The following KCNQ3 variants were observed in gnomAD, a reference collection of about 807,000 sequenced individuals.
The protein encoded by KCNQ3 is potassium voltage-gated channel subfamily KQT member 3.
Under a neutral mutation model 92.5 loss-of-function variants are expected in KCNQ3, and 30 were observed. That is an observed-to-expected ratio of 0.32 (90% confidence interval 0.24 to 0.44). The LOEUF (loss-of-function observed/expected upper bound fraction) is 0.44, where lower values mean the gene tolerates loss of function less well. Among genes scored for constraint, KCNQ3 ranks in the 20% least tolerant of loss-of-function variants. The pLI is 1.00. For missense variants in KCNQ3, 913 were observed against 1,140.3 expected (o/e 0.80, Z 2.87); for synonymous variants, 450 against 468.8 (o/e 0.96, Z 0.52).
chr8:132,222,642 G>A (rs1224554164), intron 1 of KCNQ3, among the ~76,000 whole-genome samples: 1 of 152,142 alleles, frequency 6.6e-6, no homozygotes, highest in Non-Finnish European at 1.5e-5. Context: ...ACACTAAAGA[G>A]GACATCAGGC....
intron 1 of KCNQ3, among the ~76,000 whole-genome samples, chr8:132,418,101 T>A (rs1371123765): frequency 6.6e-6 from 1 of 152,208 alleles, no homozygotes; most frequent in East Asian, 1.9e-4. Context: ...ATGCTGGCAC[T>A]GTGATTGGGA....
intron 1 of KCNQ3, among the ~76,000 whole-genome samples, chr8:132,344,150 C>T (rs565178773): frequency 6.6e-5 from 10 of 152,290 alleles, no homozygotes; most frequent in East Asian, 1.9e-4. Flanking sequence ...CCATAATACA[C>T]GGTGATCTCA....
chr8:132,192,350 C>T (rs1015335519), intron 1 of KCNQ3, among the ~76,000 whole-genome samples: 1 of 152,184 alleles, frequency 6.6e-6, no homozygotes, highest in African/African-American at 2.4e-5. Context: ...GGAAACGCCC[C>T]TTAGTTTCTT....
intron 1 of KCNQ3, among the ~76,000 whole-genome samples, chr8:132,358,339 G>C (rs1819070881): frequency 6.6e-6 from 1 of 152,196 alleles, no homozygotes; most frequent in African/African-American, 2.4e-5. Flanking sequence ...GGGTTTGAGA[G>C]ATGCTTTAGA....
chr8:132,404,809 T>C (rs947734363), intron 1 of KCNQ3, among the ~76,000 whole-genome samples: 20 of 152,222 alleles, frequency 1.3e-4, no homozygotes, highest in African/African-American at 4.8e-4. Flanking sequence ...AAGCACTTTA[T>C]ATAAAGATCA....
At position 132,180,220 on chromosome 8, in the gene KCNQ3, C is replaced by T. The variant is rs377171734; in HGVS notation, c.714G>A (p.Leu238=). 99 of 1,614,088 alleles carry T rather than the reference C, an allele frequency of 6.1e-5. 1 individual carries two copies. The Middle Eastern group carries it at 9.9e-4, about 16-fold the overall frequency. Reference sequence around the variant, plus strand: ...AGGTGCCACCTCTCCGGTCCATCCGCAGCATGCGCAGGATCTGCAGGAAGC... The same window carrying T: ...AGGTGCCACCTCTCCGGTCCATCCGTAGCATGCGCAGGATCTGCAGGAAGC... ...SLRFLQILRM[L]RMDRRGGTWK... is the part of the protein sequence containing the mutation. Residue 238 remains leucine (L), a synonymous_variant, in exon 4 of 15, where the codon CTG becomes CTA. Coordinates refer to ENST00000388996, the MANE Select transcript of KCNQ3 (RefSeq NM_004519.4).
chr8:132,279,126 G>A (rs1156610788), intron 1 of KCNQ3, among the ~76,000 whole-genome samples: 1 of 152,150 alleles, frequency 6.6e-6, no homozygotes, highest in Non-Finnish European at 1.5e-5. Flanking sequence ...GCTCAGGCAG[G>A]AGAATTGCTT....
chr8:132,450,676 C>T (rs957166850), intron 1 of KCNQ3, among the ~76,000 whole-genome samples: 2 of 152,232 alleles, frequency 1.3e-5, no homozygotes, highest in African/African-American at 2.4e-5. Flanking sequence ...CCATCTCCCA[C>T]AGGCAGGCCC....
chr8:132,164,719 C>A (rs1349448763), intron 8 of KCNQ3, among the ~76,000 whole-genome samples: 1 of 152,118 alleles, frequency 6.6e-6, no homozygotes, highest in African/African-American at 2.4e-5. Flanking sequence ...GGCAAGGGGG[C>A]AGCTGAAGAG....
At chr8:132,394,189 ACATATTTC>A (rs1431950533) in intron 1 of KCNQ3, among the ~76,000 whole-genome samples, 1 of 152,238 alleles carries the variant, frequency 6.6e-6, no homozygotes, top group African/African-American at 2.4e-5. Context: ...GCACTATGCA[ACATATTTC>A]CTTGCCATGC....
intron 3 of KCNQ3, among the ~76,000 whole-genome samples, chr8:132,182,260 C>G (rs1257141526): frequency 6.6e-6 from 1 of 152,092 alleles, no homozygotes; most frequent in Non-Finnish European, 1.5e-5. Context: ...AAAAGAACAC[C>G]AAGATGTGTA....
At chr8:132,422,618 C>G (rs538739150) in intron 1 of KCNQ3, among the ~76,000 whole-genome samples, 1 of 152,206 alleles carries the variant, frequency 6.6e-6, no homozygotes, top group Non-Finnish European at 1.5e-5. Flanking sequence ...CTTCCACCAG[C>G]TGCACCCGCC....
chr8:132,196,229 T>C (rs1352333519), intron 1 of KCNQ3, among the ~76,000 whole-genome samples: 2 of 152,230 alleles, frequency 1.3e-5, no homozygotes, highest in Non-Finnish European at 2.9e-5. Context: ...ACCTCCTCTA[T>C]TAATTCATTT....
intron 1 of KCNQ3, among the ~76,000 whole-genome samples, chr8:132,365,217 G>A (rs956319209): frequency 9.2e-5 from 14 of 152,348 alleles, no homozygotes; most frequent in African/African-American, 3.4e-4. Flanking sequence ...ATGAACAAAG[G>A]TTAAACCTAC....
intron 1 of KCNQ3, among the ~76,000 whole-genome samples, chr8:132,363,880 C>G (rs1455959625): frequency 6.6e-6 from 1 of 151,748 alleles, no homozygotes; most frequent in Non-Finnish European, 1.5e-5. Flanking sequence ...CCAGGCTGTT[C>G]TAGTTTATCC....
intron 9 of KCNQ3, 144 bp from the exon 10 acceptor site, chr8:132,141,475 T>TG: frequency 2.6e-6 from 2 of 770,906 alleles, no homozygotes; most frequent in Non-Finnish European, 4.4e-6. Flanking sequence ...ACTCAGCAGC[T>TG]TGGAATCGGA....
At chr8:132,369,678 C>T (rs1819420067) in intron 1 of KCNQ3, among the ~76,000 whole-genome samples, 1 of 152,030 alleles carries the variant, frequency 6.6e-6, no homozygotes, top group South Asian at 2.1e-4. Context: ...AACTGTGGTT[C>T]AGCAAGATTC....
At chr8:132,250,102 C>A (rs1164307045) in intron 1 of KCNQ3, among the ~76,000 whole-genome samples, 1 of 152,182 alleles carries the variant, frequency 6.6e-6, no homozygotes, top group Non-Finnish European at 1.5e-5. Context: ...AGAAGGGCTC[C>A]CACAGTGCAG....
At chr8:132,390,211 G>T (rs1415505639) in intron 1 of KCNQ3, among the ~76,000 whole-genome samples, 1 of 152,124 alleles carries the variant, frequency 6.6e-6, no homozygotes, top group Non-Finnish European at 1.5e-5. Context: ...AACAGACAAA[G>T]AAAAAGTATA....
Sources: gnomAD v4.1 joint callset for allele counts (sites outside exome capture counted in the v4.1 genomes callset) on GRCh38, gnomAD v4.1.1 for gene constraint, MANE v1.5 for transcripts, NCBI Gene and HGNC (gene_info 2026-07-23, HGNC 2026-07-21) for gene names.